Variants in SMAD5 observed in about 807,000 individuals in gnomAD.
SMAD5 encodes SMAD family member 5, also known as MAD, mothers against decapentaplegic homolog 5.
Under a neutral mutation model 43.1 loss-of-function variants are expected in SMAD5, and 9 were observed. The ratio of observed to expected loss-of-function variants is 0.21; its 90% CI spans 0.13 to 0.36. The LOEUF (loss-of-function observed/expected upper bound fraction) is 0.36, where lower values mean the gene tolerates loss of function less well. Ranked by LOEUF, SMAD5 falls within the 10% of genes least tolerant of loss-of-function variation. The pLI is 1.00. For missense variants in SMAD5, 348 were observed against 574.0 expected, an observed-to-expected ratio of 0.61 and a Z score of 4.02; for synonymous variants, 190 against 192.4, an observed-to-expected ratio of 0.99 and a Z score of 0.10.
Position 136,174,644 on chromosome 5 carries a change from C to CCTCTAACAT in SMAD5, c.1254+13_1254+21dup, listed in dbSNP as rs771763860. 116 of 1,590,312 alleles carry CCTCTAACAT rather than the reference C, an allele frequency of 7.3e-5. No individual in the cohort carries two copies. In the East Asian group the frequency reaches 2.4e-3, roughly 33 times the overall value. ...TGAGTTTTGTCAAGGTGAGTTGTGA[C>CCTCTAACAT]CTCTAACATAATTTGAGTCACTATA... On this transcript the variant is annotated intron_variant, in intron 7 of 7. Transcript: ENST00000545279.
chr5:136,158,908 A>AG (rs373524373), intron 3 of SMAD5, among the ~76,000 whole-genome samples: 3 of 152,008 alleles, frequency 2.0e-5, no homozygotes, highest in Non-Finnish European at 4.4e-5. Context: ...CAAAAAAAAA[A>AG]AGATGGAAGA....
chr5:136,161,645 T>A (rs1283896719), intron 4 of SMAD5, among the ~76,000 whole-genome samples: 11 of 152,234 alleles, frequency 7.2e-5, no homozygotes, highest in Non-Finnish European at 4.4e-5. Flanking sequence ...TTTAGTTAGA[T>A]AACTGATGAA....
intron 5 of SMAD5, among the ~76,000 whole-genome samples, chr5:136,168,440 GT>G (rs776935598): frequency 2.5e-4 from 38 of 151,948 alleles, no homozygotes; most frequent in Non-Finnish European, 5.1e-4. Flanking sequence ...GCATTTTTTA[GT>G]TCAGTTTTTG....
At chr5:136,158,256 A>G (rs1046498554) in intron 3 of SMAD5, among the ~76,000 whole-genome samples, 6 of 152,086 alleles carry the variant, frequency 3.9e-5, no homozygotes, top group Non-Finnish European at 5.9e-5. Flanking sequence ...ATTTTTGTAT[A>G]TCATAGATTA....
intron 3 of SMAD5, among the ~76,000 whole-genome samples, chr5:136,156,084 G>A (rs1221061240): frequency 6.6e-6 from 1 of 152,120 alleles, no homozygotes. Flanking sequence ...TTAGGGCCAA[G>A]GTCTTATCAG....
At position 136,153,614 on chromosome 5, in the gene SMAD5, A is replaced by T. The variant is rs1007496290; in HGVS notation, c.-147A>T. On this transcript the variant is annotated 5_prime_UTR_variant, in exon 3 of 8. Coordinates refer to ENST00000545279, the MANE Select transcript of SMAD5 (RefSeq NM_005903.7). ...CAGGACTTGACCCAATGAAAGAAGC[A>T]TATGGCACTTGTGAAGATAAATGTT... 1 of 632,832 alleles carries T rather than the reference A, an allele frequency of 1.6e-6. No homozygotes were observed. Among genetic ancestry groups the T allele is most frequent in the Non-Finnish European group, 2.7e-6 (1 of 363,978 alleles). The allele number at this position is 632,832 out of a possible 1,614,324, so 39.2% of individuals were successfully genotyped here.
At chr5:136,150,190 A>AT (rs1164460594) in intron 2 of SMAD5, among the ~76,000 whole-genome samples, 1 of 151,634 alleles carries the variant, frequency 6.6e-6, no homozygotes, top group African/African-American at 2.4e-5. Context: ...AAAATCTTAA[A>AT]TCTGTTTCTC....
intron 3 of SMAD5, among the ~76,000 whole-genome samples, chr5:136,156,622 TA>T (rs1298867669): frequency 6.6e-6 from 1 of 152,138 alleles, no homozygotes; most frequent in African/African-American, 2.4e-5. Flanking sequence ...GAAAGGAAGA[TA>T]AAAGGATTTA....
chr5:136,159,039 A>G (rs1753741040), intron 3 of SMAD5, among the ~76,000 whole-genome samples: 1 of 152,224 alleles, frequency 6.6e-6, no homozygotes, highest in African/African-American at 2.4e-5. Context: ...TGTACTTAAA[A>G]TTAAACAAAT....
chr5:136,141,608 A>G (rs1210035248), intron 1 of SMAD5, among the ~76,000 whole-genome samples: 1 of 152,198 alleles, frequency 6.6e-6, no homozygotes, highest in African/African-American at 2.4e-5. Flanking sequence ...AAACCCCTGC[A>G]TGTCCTACAA....
chr5:136,179,546 G>A lies in SMAD5; in HGVS notation c.*2066G>A, dbSNP rs1168209225. 1 of 152,062 alleles carries A rather than the reference G, an allele frequency of 6.6e-6. No homozygotes were observed. Among genetic ancestry groups the A allele is most frequent in the Non-Finnish European group, 1.5e-5 (1 of 68,008 alleles). 9.4% of individuals were successfully genotyped at this position (152,062 alleles called of 1,614,324 possible). A position where few individuals can be genotyped will look rare whatever the true frequency, so the allele number is the denominator to read the frequency against. On this transcript the variant is annotated 3_prime_UTR_variant, in exon 8 of 8. Transcript: ENST00000545279. ...TGTCATTATTTATTGCTTTTTCAAT[G>A]TGCAGCCAGTGGATGGTTTTAGTTC...
At chr5:136,133,501 A>AC (rs1752756936) in intron 1 of SMAD5, 1 of 152,282 alleles carries the variant, frequency 6.6e-6, no homozygotes, top group Non-Finnish European at 1.5e-5. Flanking sequence ...GGCAGTTGTG[A>AC]CCGGCTACTG....
At chr5:136,168,208 AG>A (rs534378864) in intron 5 of SMAD5, among the ~76,000 whole-genome samples, 9 of 152,230 alleles carry the variant, frequency 5.9e-5, no homozygotes, top group African/African-American at 2.2e-4. Flanking sequence ...AGCTCCAGGA[AG>A]GGTGCTGGGA....
In SMAD5 at chr5:136,182,696, G is replaced by A. The variant is rs1754674516; in HGVS notation, c.*5216G>A. 1 of 152,516 alleles carries A rather than the reference G, an allele frequency of 6.6e-6. No individual in the cohort carries two copies. The allele number at this position is 152,516 out of a possible 1,614,324, so 9.4% of individuals were successfully genotyped here. On this transcript the variant is annotated 3_prime_UTR_variant, in exon 8 of 8. Transcript: ENST00000545279. ...CTTAAGAACTTTGTTTTTGCATATT[G>A]TTTGCTAATTCTTTACTTTAATAAA...
At position 136,180,739 on chromosome 5, in the gene SMAD5, G is replaced by A. The variant is rs1754597952; in HGVS notation, c.*3259G>A. 6.6e-6 allele frequency: 1 copy of A among 152,032 alleles called. No homozygotes were observed. The highest frequency in any genetic ancestry group is 6.5e-5 in the Admixed American group (1 of 15,270). The allele number at this position is 152,032 out of a possible 1,614,324, so 9.4% of individuals were successfully genotyped here. A position where few individuals can be genotyped will look rare whatever the true frequency, so the allele number is the denominator to read the frequency against. Reference sequence around the variant, plus strand: ...ATAAAAAAAATAATAGAATTGGTTGGGTTTCTGAGGTGAAATCCAGAGTAA... The same window carrying A: ...ATAAAAAAAATAATAGAATTGGTTGAGTTTCTGAGGTGAAATCCAGAGTAA... On this transcript the variant is annotated 3_prime_UTR_variant, in exon 8 of 8. Transcript: ENST00000545279.
At chr5:136,150,019 C>G (rs1377620966) in intron 2 of SMAD5, among the ~76,000 whole-genome samples, 1 of 151,872 alleles carries the variant, frequency 6.6e-6, no homozygotes, top group Admixed American at 6.6e-5. Flanking sequence ...GTTTAATCTT[C>G]TGCAGTACCA....
chr5:136,146,350 A>G (rs568628301), intron 1 of SMAD5, among the ~76,000 whole-genome samples: 2 of 151,964 alleles, frequency 1.3e-5, no homozygotes, highest in African/African-American at 4.8e-5. Flanking sequence ...TACTGGAATA[A>G]GTGTAGAGGT....
chr5:136,152,229 G>A (rs183957903), intron 2 of SMAD5, among the ~76,000 whole-genome samples: 247 of 152,238 alleles, frequency 1.6e-3, no homozygotes, highest in Middle Eastern at 3.4e-3. Context: ...TAGGCTCTCA[G>A]TAAGTGTATT....
At chr5:136,144,704 G>T (rs182159843) in intron 1 of SMAD5, among the ~76,000 whole-genome samples, 59 of 151,844 alleles carry the variant, frequency 3.9e-4, no homozygotes, top group African/African-American at 1.2e-3. Context: ...TTACAGAGGT[G>T]CAAATAGAAT....
Sources: gnomAD v4.1 joint callset for allele counts (sites outside exome capture counted in the v4.1 genomes callset) on GRCh38, gnomAD v4.1.1 for gene constraint, MANE v1.5 for transcripts, NCBI Gene and HGNC (gene_info 2026-07-23, HGNC 2026-07-21) for gene names.